PAG1: variants seen among roughly 807,000 people sequenced by gnomAD.
PAG1 encodes the protein phosphoprotein membrane anchor with glycosphingolipid microdomains 1.
In PAG1, 23 loss-of-function variants were observed where a neutral mutation model predicts 31.7. The observed-to-expected ratio is 0.73, with a 90% CI of 0.52 to 1.03. PAG1 has a LOEUF of 1.03. Ranked by LOEUF, PAG1 falls within the 50% of genes least tolerant of loss-of-function variation. The pLI is 0.00. For synonymous variants in PAG1, 214 were observed against 210.3 expected (o/e 1.02, Z -0.15); for missense variants, 473 against 540.7 (o/e 0.87, Z 1.24).
At chr8:81,073,706 A>G (rs1163289777) in intron 1 of PAG1, among the ~76,000 whole-genome samples, 3 of 152,204 alleles carry the variant, frequency 2.0e-5, no homozygotes, top group Admixed American at 2.0e-4. Flanking sequence ...ATTGACCAAG[A>G]TGAAATTCCC....
intron 1 of PAG1, among the ~76,000 whole-genome samples, chr8:81,084,290 T>C (rs898443917): frequency 2.6e-5 from 4 of 152,216 alleles, no homozygotes; most frequent in Admixed American, 2.6e-4. Context: ...TTCATTTCAT[T>C]TTGAGGTTAA....
At chr8:81,104,225 ATT>A (rs1809655523) in intron 1 of PAG1, among the ~76,000 whole-genome samples, 1 of 152,048 alleles carries the variant, frequency 6.6e-6, no homozygotes, top group Non-Finnish European at 1.5e-5. Flanking sequence ...TTTTATTTCA[ATT>A]TCATTTCTTT....
chr8:81,030,900 C>T lies in PAG1; in HGVS notation c.-174-811G>A, dbSNP rs146327092. 3.3e-3 allele frequency among the ~76,000 whole-genome samples: 507 copies of T among 152,232 alleles called. 1 individual carries two copies. The highest frequency in any genetic ancestry group is 0.012 in the African/African-American group (483 of 41,528). ...GAGAGGGACGGAATGAATGAATGAA[C>T]GAACGAACAAACGGATGAAAGAACG... On this transcript the variant is annotated intron_variant, in intron 2 of 8. Coordinates refer to ENST00000220597, the MANE Select transcript of PAG1 (RefSeq NM_018440.4).
At chr8:81,096,708 T>C (rs1402830037) in intron 1 of PAG1, among the ~76,000 whole-genome samples, 1 of 152,108 alleles carries the variant, frequency 6.6e-6, no homozygotes, top group Non-Finnish European at 1.5e-5. Context: ...TACAGAGCCT[T>C]ACAAAAAGGA....
At chr8:80,989,508 C>T (rs1240413685) in intron 5 of PAG1, among the ~76,000 whole-genome samples, 8 of 152,206 alleles carry the variant, frequency 5.3e-5, no homozygotes, top group South Asian at 4.1e-4. Context: ...TGCCAGTGTC[C>T]GGGTAAGCAT....
intron 1 of PAG1, among the ~76,000 whole-genome samples, chr8:81,073,375 C>T (rs554366852): frequency 1.3e-5 from 2 of 152,272 alleles, no homozygotes; most frequent in East Asian, 1.9e-4. Flanking sequence ...ATGAGACAAG[C>T]GACAGGATTC....
intron 3 of PAG1, among the ~76,000 whole-genome samples, chr8:80,996,415 C>T (rs892757620): frequency 6.6e-6 from 1 of 152,340 alleles, no homozygotes; most frequent in Middle Eastern, 3.4e-3. Flanking sequence ...CTACCCTTCT[C>T]TCCTGGTCTC....
chr8:81,050,795 G>T (rs750275047), intron 2 of PAG1, among the ~76,000 whole-genome samples: 1 of 152,156 alleles, frequency 6.6e-6, no homozygotes, highest in African/African-American at 2.4e-5. Flanking sequence ...AGTCAACTCC[G>T]CAATCGCATC....
intron 2 of PAG1, among the ~76,000 whole-genome samples, chr8:81,052,070 C>T (rs1318458464): frequency 2.0e-5 from 3 of 147,458 alleles, no homozygotes; most frequent in Admixed American, 7.0e-5. Flanking sequence ...GCGGAGCTTG[C>T]GGTGAGCCGA....
At chr8:81,020,373 A>T (rs1808142485) in intron 3 of PAG1, among the ~76,000 whole-genome samples, 1 of 152,156 alleles carries the variant, frequency 6.6e-6, no homozygotes, top group Middle Eastern at 3.2e-3. Context: ...ATCTCATCTT[A>T]AATTGTAGCT....
chr8:80,985,066 G>A lies in PAG1; in HGVS notation c.586C>T (p.Leu196=). 1 of 1,614,066 alleles carries A rather than the reference G, an allele frequency of 6.2e-7. No homozygotes were observed. The highest frequency in any genetic ancestry group is 8.5e-7 in the Non-Finnish European group (1 of 1,180,010). Reference sequence around the variant, plus strand: ...GCCTTGCCACTGTGGCCTTTCTCCAGGTGTGCAGCTGCAGCCACCTCCTTG... The same window carrying A: ...GCCTTGCCACTGTGGCCTTTCTCCAAGTGTGCAGCTGCAGCCACCTCCTTG... ...EIKEVAAAAH[L]EKGHSGKAKS... The change falls in exon 7 of 9, where the codon CTG becomes TTG. Residue 196 remains leucine (L), a synonymous_variant. Transcript: ENST00000220597.
rs141942957 is a variant in PAG1, at chr8:80,998,802, G to T, written c.-80-5495C>A. ...AAGCAGGTCTAGGTCAGTAATGATA[G>T]TCATTACCTTTTTACAGCTGTTGCA... On this transcript the variant is annotated intron_variant, in intron 3 of 8. Transcript: ENST00000220597. Among the ~76,000 whole-genome samples, 11 of 152,300 alleles carry T rather than the reference G, an allele frequency of 7.2e-5. No homozygotes were observed. The East Asian group carries it at 1.7e-3, about 24-fold the overall frequency.
intron 3 of PAG1, among the ~76,000 whole-genome samples, chr8:80,996,379 C>G (rs1807673390): frequency 6.6e-6 from 1 of 152,162 alleles, no homozygotes; most frequent in Non-Finnish European, 1.5e-5. Flanking sequence ...TGGACGGTTC[C>G]CATTTTGGAG....
chr8:81,019,212 A>C lies in PAG1; in HGVS notation c.-81+10784T>G, dbSNP rs150152146. Among the ~76,000 whole-genome samples, 405 of 152,338 alleles carry C rather than the reference A, an allele frequency of 2.7e-3. 1 individual carries two copies. The highest frequency in any genetic ancestry group is 9.2e-3 in the African/African-American group (384 of 41,586). On this transcript the variant is annotated intron_variant, in intron 3 of 8. Coordinates refer to ENST00000220597, the MANE Select transcript of PAG1 (RefSeq NM_018440.4). ...AGCATTCAAGAGGAAGCAGAGAATA[A>C]AAGTTTGGAAAATTTGCAGCCTGAT...
At position 80,985,231 on chromosome 8, in the gene PAG1, C is replaced by T. The variant is rs775054099; in HGVS notation, c.421G>A (p.Ala141Thr). 33 of 1,614,000 alleles carry T rather than the reference C, an allele frequency of 2.0e-5. No individual in the cohort carries two copies. The East Asian group carries it at 3.3e-4, about 16-fold the overall frequency. ...CTCGCCGTGAGCATGGTATCCACTGCGCTCTCGGGAGGGATTCTGGGCAGC... is the reference window on the plus strand; with the variant it reads ...CTCGCCGTGAGCATGGTATCCACTGTGCTCTCGGGAGGGATTCTGGGCAGC... Reference protein sequence around the residue: ...RELPRIPPESAVDTMLTARSV... With the variant: ...RELPRIPPESTVDTMLTARSV... Residue 141 changes from alanine (A) to threonine (T), a missense_variant, in exon 7 of 9, where the codon GCA becomes ACA. Ala to Thr is a moderately conservative substitution (Grantham distance 58, BLOSUM62 0). Coordinates refer to ENST00000220597, the MANE Select transcript of PAG1 (RefSeq NM_018440.4).
At chr8:80,988,549 C>CTG in intron 5 of PAG1, among the ~76,000 whole-genome samples, 2 of 152,276 alleles carry the variant, frequency 1.3e-5, no homozygotes, top group Non-Finnish European at 2.9e-5. Flanking sequence ...AAGTCTCAAA[C>CTG]TCCTGGGCCC....
intron 3 of PAG1, among the ~76,000 whole-genome samples, chr8:81,027,904 C>CAAA (rs35780204): frequency 3.0e-4 from 16 of 52,742 alleles, no homozygotes; most frequent in Non-Finnish European, 4.2e-4. Flanking sequence ...GACTCCGTCT[C>CAAA]AAAAAAAAAA....
intron 1 of PAG1, among the ~76,000 whole-genome samples, chr8:81,103,758 A>C (rs1291347495): frequency 6.6e-6 from 1 of 152,206 alleles, no homozygotes; most frequent in African/African-American, 2.4e-5. Flanking sequence ...GCCATGATAA[A>C]AGCTTAGTTT....
intron 5 of PAG1, among the ~76,000 whole-genome samples, chr8:80,988,036 A>G (rs1422481846): frequency 6.6e-6 from 1 of 152,262 alleles, no homozygotes; most frequent in Non-Finnish European, 1.5e-5. Context: ...TAGGAGATAC[A>G]GAACACTTCC....
Sources: allele counts gnomAD v4.1 joint callset (sites outside exome capture counted in the v4.1 genomes callset), GRCh38; gene constraint gnomAD v4.1.1; transcripts MANE v1.5; gene names NCBI Gene and HGNC (gene_info 2026-07-23, HGNC 2026-07-21).